The following ABCB9 variants were observed in gnomAD, a reference collection of about 807,000 sequenced individuals.
The protein encoded by ABCB9 is ABC-type oligopeptide transporter ABCB9.
ABCB9 carries 36 observed loss-of-function variants against 62.0 expected under a neutral mutation model. The ratio of observed to expected loss-of-function variants is 0.58; its 90% confidence interval spans 0.45 to 0.77. ABCB9 has a LOEUF of 0.77. Ranked by LOEUF, ABCB9 falls within the 30% of genes least tolerant of loss-of-function variation. The probability of loss-of-function intolerance (pLI) is 0.00; values close to 1 mark genes in which losing one functional copy is unlikely to be tolerated. For synonymous variants in ABCB9, 435 were observed against 461.4 expected (o/e 0.94, Z 0.73); for missense variants, 943 against 1,054.7 (o/e 0.89, Z 1.47).
At chr12:122,919,365 TC>T (rs2034693191), downstream of ABCB9, among the ~76,000 whole-genome samples, 2 of 152,040 alleles carry the variant, frequency 1.3e-5, no homozygotes, top group African/African-American at 4.8e-5. Context: ...AGGGATGGGG[TC>T]CCACTATGTT....
At chr12:122,933,511 G>A (rs940599220) in intron 10 of ABCB9, among the ~76,000 whole-genome samples, 3 of 151,384 alleles carry the variant, frequency 2.0e-5, no homozygotes, top group East Asian at 1.9e-4. Flanking sequence ...CCGAGATCGC[G>A]CCACTGCACT....
chr12:122,939,116 G>A (rs2035607764), intron 9 of ABCB9, among the ~76,000 whole-genome samples: 1 of 152,038 alleles, frequency 6.6e-6, no homozygotes, highest in African/African-American at 2.4e-5. Flanking sequence ...AGGCTGCAGT[G>A]AGCTGAGATC....
At chr12:122,958,052 C>T (rs1159141314) in intron 2 of ABCB9, among the ~76,000 whole-genome samples, 9 of 151,022 alleles carry the variant, frequency 6.0e-5, no homozygotes, top group Non-Finnish European at 1.3e-4. Context: ...CGCCTGTAAT[C>T]CCAGCTGCTT....
In ABCB9 at chr12:122,964,941, G is replaced by A. The variant is rs1369250802; in HGVS notation, c.-88+1346C>T. 6.6e-6 allele frequency among the ~76,000 whole-genome samples: 1 copy of A among 152,234 alleles called. No homozygotes were observed. Among genetic ancestry groups the A allele is most frequent in the African/African-American group, 2.4e-5 (1 of 41,464 alleles). Reference sequence around the variant, plus strand: ...GGTATCTCTAGGCATCAGCTGCAGAGAAGGCCAGAAGACGATAGATAGCAG... The same window carrying A: ...GGTATCTCTAGGCATCAGCTGCAGAAAAGGCCAGAAGACGATAGATAGCAG... On this transcript the variant is annotated intron_variant, in intron 1 of 11. Transcript: ENST00000280560. This position sits in a 1 kb window ranked among gnomAD's most constrained non-coding sequence, Gnocchi z 4.7.
At chr12:122,945,660 C>T (rs959307168) in intron 6 of ABCB9, among the ~76,000 whole-genome samples, 3 of 152,158 alleles carry the variant, frequency 2.0e-5, no homozygotes, top group Middle Eastern at 3.4e-3. Context: ...GGTGGATCAC[C>T]TGAGCTCAGG....
chr12:122,949,159 G>C (rs2036218781), intron 4 of ABCB9: 1 of 224,322 alleles, frequency 4.5e-6, no homozygotes, highest in African/African-American at 2.3e-5. Context: ...ACTGGCAGAG[G>C]GGGTAACTCC....
intron 2 of ABCB9, 199 bp from the exon 3 acceptor site, chr12:122,950,764 G>A: frequency 1.9e-6 from 1 of 535,456 alleles, no homozygotes; most frequent in South Asian, 2.6e-5. Flanking sequence ...GGGAGCACTG[G>A]GCCTTGCATC....
chr12:122,935,502 T>C (rs2035416574), intron 9 of ABCB9, 71 bp from the exon 10 acceptor site: 6 of 1,545,420 alleles, frequency 3.9e-6, no homozygotes, highest in Non-Finnish European at 5.3e-6. Flanking sequence ...GCAGCCTTGC[T>C]GCCTGGGGCC....
intron 11 of ABCB9, among the ~76,000 whole-genome samples, chr12:122,922,950 C>T (rs1029079629): frequency 6.6e-6 from 1 of 151,738 alleles, no homozygotes; most frequent in African/African-American, 2.4e-5. Flanking sequence ...CACGCCACTA[C>T]ACCTGGCTAA....
In ABCB9 at chr12:122,960,284, G is replaced by GGGGGCAAGGCCATCATCATCCACAGGGC; in HGVS notation, c.-77_-50dup. ...TGCTGAAGGCCAGGTTGTAGCTCAC[G>GGGGGCAAGGCCATCATCATCCACAGGGC]GGGGCAAGGCCATCATCATCCACAG... On this transcript the variant is annotated 5_prime_UTR_variant, in exon 2 of 12. The change creates a new upstream start codon in the 5' untranslated region. Transcript: ENST00000280560. 6.3e-7 allele frequency: 1 copy of GGGGGCAAGGCCATCATCATCCACAGGGC among 1,577,850 alleles called. No individual in the cohort carries two copies. The highest frequency in any genetic ancestry group is 8.6e-7 in the Non-Finnish European group (1 of 1,160,694).
intron 1 of ABCB9, among the ~76,000 whole-genome samples, chr12:122,965,872 C>CA (rs1463764248): frequency 6.6e-6 from 1 of 152,230 alleles, no homozygotes; most frequent in Non-Finnish European, 1.5e-5. Flanking sequence ...CCCAGGTCAG[C>CA]AGGAACAGGC....
intron 5 of ABCB9, chr12:122,946,553 G>A: frequency 2.9e-6 from 1 of 346,780 alleles, no homozygotes; most frequent in South Asian, 3.0e-5. Context: ...TCAGAAAAGG[G>A]GCCTCAACAC....
rs2035094300 is a variant in ABCB9, at chr12:122,930,415, T to C, written c.2041-244A>G. On this transcript the variant is annotated intron_variant, in intron 11 of 11. Coordinates refer to ENST00000280560, the MANE Select transcript of ABCB9 (RefSeq NM_019625.4). The surrounding 1 kb of genome is among the most constrained non-coding windows in gnomAD (Gnocchi z 4.9). The stretch of plus-strand genomic sequence containing the variant: ...TCTGGTCCTTCCCTTCCCCCTCCTT[T>C]TTTTTTTTTTTTTTTTTTAAGTCTT... 7.3e-6 allele frequency among the ~76,000 whole-genome samples: 1 copy of C among 136,450 alleles called. No individual in the cohort carries two copies. Among genetic ancestry groups the C allele is most frequent in the Admixed American group, 6.9e-5 (1 of 14,478 alleles). 89.5% of individuals were successfully genotyped at this position (136,450 alleles called of 152,430 possible).
At chr12:122,937,361 A>T in intron 9 of ABCB9, among the ~76,000 whole-genome samples, 1 of 151,532 alleles carries the variant, frequency 6.6e-6, no homozygotes, top group East Asian at 1.9e-4. Flanking sequence ...TCCATCTTAA[A>T]AAAAAAAAAA....
At chr12:122,958,224 C>T (rs2036715385) in intron 2 of ABCB9, among the ~76,000 whole-genome samples, 1 of 147,836 alleles carries the variant, frequency 6.8e-6, no homozygotes. Context: ...CAAAATAACC[C>T]AAGAGTCAAA....
At chr12:122,931,046 A>G (rs1396133245) in intron 11 of ABCB9, among the ~76,000 whole-genome samples, 1 of 151,930 alleles carries the variant, frequency 6.6e-6, no homozygotes, top group African/African-American at 2.4e-5. Flanking sequence ...GTTTTTTCAG[A>G]TGGAGTCTCA....
intron 7 of ABCB9, among the ~76,000 whole-genome samples, chr12:122,943,936 C>T (rs1459617025): frequency 2.0e-5 from 3 of 151,846 alleles, no homozygotes; most frequent in African/African-American, 4.8e-5. Flanking sequence ...CCACCATACT[C>T]GGCTTGCCTA....
At chr12:122,973,540 C>T (rs1160120265) in intron 1 of ABCB9, among the ~76,000 whole-genome samples, 1 of 119,258 alleles carries the variant, frequency 8.4e-6, no homozygotes, top group African/African-American at 3.4e-5. Flanking sequence ...GTCCGCAGTC[C>T]GGCCTGGGCG....
rs2036096150 is a variant in ABCB9 at position 122,947,360 on chromosome 12, G to A, written c.1054-1138C>T. ...GGAAGAGGTCCTACCTGTGTGGCTGGAGAAGACTGTGGGGAGTGGCCTCAC... is the reference window on the plus strand; with the variant it reads ...GGAAGAGGTCCTACCTGTGTGGCTGAAGAAGACTGTGGGGAGTGGCCTCAC... On this transcript the variant is annotated intron_variant, in intron 5 of 11. Coordinates refer to ENST00000280560, the MANE Select transcript of ABCB9 (RefSeq NM_019625.4). This position sits in a 1 kb window ranked among gnomAD's most constrained non-coding sequence, Gnocchi z 6.0. 1 of 350,970 alleles carries A rather than the reference G, an allele frequency of 2.8e-6. No individual in the cohort carries two copies. The highest frequency in any genetic ancestry group is 6.0e-6 in the Non-Finnish European group (1 of 167,376). 21.7% of individuals were successfully genotyped at this position (350,970 alleles called of 1,614,324 possible).
Sources: allele counts gnomAD v4.1 joint callset (sites outside exome capture counted in the v4.1 genomes callset), GRCh38; gene constraint gnomAD v4.1.1; non-coding constraint Gnocchi (gnomAD v3.1); transcripts MANE v1.5; gene names NCBI Gene and HGNC (gene_info 2026-07-23, HGNC 2026-07-21).